The following GAB4 variants were observed in gnomAD, a reference collection of about 807,000 sequenced individuals.
The protein encoded by GAB4 is GRB2 associated binding protein family member 4.
In GAB4, 26 loss-of-function variants were observed where a neutral mutation model predicts 51.3. The ratio of observed to expected loss-of-function variants is 0.51; its 90% CI spans 0.37 to 0.70. The LOEUF (loss-of-function observed/expected upper bound fraction) is 0.70, where lower values mean the gene tolerates loss of function less well. Among genes scored for constraint, GAB4 ranks in the 30% least tolerant of loss-of-function variants. The pLI is 0.00. For missense variants in GAB4, 759 were observed against 734.6 expected (o/e 1.03, Z -0.38); for synonymous variants, 329 against 291.2 (o/e 1.13, Z -1.32).
At chr22:16,988,534 C>A (rs1314822360) in intron 2 of GAB4, among the ~76,000 whole-genome samples, 1 of 152,212 alleles carries the variant, frequency 6.6e-6, no homozygotes, top group African/African-American at 2.4e-5. Flanking sequence ...TCATGGCCTC[C>A]CTCAAAGCTA....
rs144992433 is a variant in GAB4, at chr22:16,992,588, C to G, written c.175-412G>C. Among the ~76,000 whole-genome samples, 608 of 152,328 alleles carry G rather than the reference C, an allele frequency of 4.0e-3. 1 individual carries two copies. Among genetic ancestry groups the G allele is most frequent in the Middle Eastern group, 0.024 (7 of 294 alleles). ...GAAGCAACAATGTCAGAAGCAGAAG[C>G]AGTAGCAGTAAACAAGTAGCAGAAA... is the stretch of plus-strand genomic sequence containing the variant. On this transcript the variant is annotated intron_variant, in intron 1 of 9. Coordinates refer to ENST00000400588, the MANE Select transcript of GAB4 (RefSeq NM_001037814.1).
In GAB4 at chr22:16,968,314, C is replaced by G. The variant is rs199979807; in HGVS notation, c.1007G>C (p.Gly336Ala). The change falls in exon 5 of 10, where the codon GGA (glycine) becomes GCA (alanine). Residue 336 changes from glycine (G) to alanine (A), a missense_variant. Coordinates refer to ENST00000400588, the MANE Select transcript of GAB4 (RefSeq NM_001037814.1). ...ASRPAESMHE[G>A]VCSFLPGRTL... ...CATACTCACCAGGAAAGAACAGACT[C>G]CCTCATGCATGGACTCAGCAGGCCG... 1 of 1,613,704 alleles carries G rather than the reference C, an allele frequency of 6.2e-7. No homozygotes were observed. Among genetic ancestry groups the G allele is most frequent in the African/African-American group, 1.3e-5 (1 of 74,994 alleles).
intron 1 of GAB4, among the ~76,000 whole-genome samples, chr22:17,007,041 C>T (rs964747696): frequency 6.6e-6 from 1 of 151,886 alleles, no homozygotes; most frequent in Non-Finnish European, 1.5e-5. Context: ...AAGACAAGAA[C>T]GCAGAATTGA....
chr22:17,002,704 A>T (rs2061007502), intron 1 of GAB4, among the ~76,000 whole-genome samples: 1 of 152,184 alleles, frequency 6.6e-6, no homozygotes, highest in South Asian at 2.1e-4. Context: ...GAGGGATAGC[A>T]TTAGGAGATA....
At chr22:16,985,420 A>G (rs1303808543) in intron 3 of GAB4, among the ~76,000 whole-genome samples, 4 of 152,216 alleles carry the variant, frequency 2.6e-5, no homozygotes, top group Non-Finnish European at 4.4e-5. Flanking sequence ...ACGGAAATTG[A>G]ATCTCAGTTC....
chr22:16,993,796 C>T (rs750856914), intron 1 of GAB4, among the ~76,000 whole-genome samples: 1 of 152,214 alleles, frequency 6.6e-6, no homozygotes, highest in African/African-American at 2.4e-5. Context: ...AAACCTCCAA[C>T]ACCCTTATTT....
At chr22:16,971,998 A>T (rs1316488319) in intron 3 of GAB4, among the ~76,000 whole-genome samples, 3 of 152,254 alleles carry the variant, frequency 2.0e-5, no homozygotes, top group Non-Finnish European at 4.4e-5. Context: ...TCACCAGCAG[A>T]CAGGAGAGCA....
chr22:16,987,580 GCTATGGAT>G (rs1189635967), intron 3 of GAB4, among the ~76,000 whole-genome samples: 1 of 152,228 alleles, frequency 6.6e-6, no homozygotes, highest in Non-Finnish European at 1.5e-5. Flanking sequence ...ATTCAACTGA[GCTATGGAT>G]CTGGTCATCA....
intron 2 of GAB4, among the ~76,000 whole-genome samples, chr22:16,990,055 ACTCT>A (rs1161570573): frequency 6.6e-6 from 1 of 151,518 alleles, no homozygotes; most frequent in African/African-American, 2.4e-5. Context: ...TGTCCACTGC[ACTCT>A]CTAAGCCAGA....
At chr22:16,983,257 TC>T (rs1454685485) in intron 3 of GAB4, among the ~76,000 whole-genome samples, 2 of 152,124 alleles carry the variant, frequency 1.3e-5, no homozygotes, top group African/African-American at 2.4e-5. Context: ...CTTCACAGCC[TC>T]CGTACTAGCA....
Position 16,966,456 on chromosome 22 carries a change from C to T in GAB4, c.1024-92G>A, listed in dbSNP as rs943422609. 3.2e-5 allele frequency: 43 copies of T among 1,340,128 alleles called. No individual in the cohort carries two copies. In the Admixed American group the frequency reaches 7.6e-4, roughly 24 times the overall value. 83.0% of individuals were successfully genotyped at this position (1,340,128 alleles called of 1,614,324 possible). A position where few individuals can be genotyped will look rare whatever the true frequency, so the allele number is the denominator to read the frequency against. The stretch of plus-strand genomic sequence containing the variant: ...TAGACAAGGCCAAAAAGAGTCATGA[C>T]GGGGTGTTTTGAACGAAACTTTTGA... On this transcript the variant is annotated intron_variant, in intron 5 of 9. Transcript: ENST00000400588.
chr22:16,988,186 G>C lies in GAB4; in HGVS notation c.479-19C>G. 6.4e-7 allele frequency: 1 copy of C among 1,571,106 alleles called. No individual in the cohort carries two copies. The highest frequency in any genetic ancestry group is 8.8e-7 in the Non-Finnish European group (1 of 1,142,430). On this transcript the variant is annotated intron_variant, in intron 2 of 9. Transcript: ENST00000400588. ...AGGAAGCCTGTGAATGAAACAGGAAGGAAGGGCATCCTTGTCCTAAAGTGG... is the reference window on the plus strand; with the variant it reads ...AGGAAGCCTGTGAATGAAACAGGAACGAAGGGCATCCTTGTCCTAAAGTGG...
At chr22:16,976,812 A>G (rs2060782499) in intron 3 of GAB4, among the ~76,000 whole-genome samples, 1 of 152,244 alleles carries the variant, frequency 6.6e-6, no homozygotes, top group Admixed American at 6.5e-5. Flanking sequence ...TCAGACTAAG[A>G]GCAGATCTCT....
At chr22:16,963,693 G>A (rs773401616) in intron 9 of GAB4, 32 bp downstream of exon 9, 33 of 1,539,570 alleles carry the variant, frequency 2.1e-5, no homozygotes, top group Non-Finnish European at 2.7e-5. Context: ...GGGCCCAAGG[G>A]CTCTGCCCAA....
At chr22:16,987,625 T>A (rs2060878485) in intron 3 of GAB4, among the ~76,000 whole-genome samples, 1 of 152,250 alleles carries the variant, frequency 6.6e-6, no homozygotes, top group African/African-American at 2.4e-5. Flanking sequence ...GCTGTCCTCT[T>A]AAGGCCAACA....
chr22:16,972,276 G>A (rs1314880781), intron 3 of GAB4, among the ~76,000 whole-genome samples: 2 of 152,210 alleles, frequency 1.3e-5, no homozygotes, highest in Non-Finnish European at 2.9e-5. Context: ...ATCTGGATGA[G>A]CCCTCCCTGG....
intron 3 of GAB4, among the ~76,000 whole-genome samples, chr22:16,984,923 G>A (rs1462107253): frequency 6.6e-6 from 1 of 152,196 alleles, no homozygotes; most frequent in Middle Eastern, 3.2e-3. Flanking sequence ...TGGCCCCACT[G>A]TGCTGCTTTG....
At chr22:16,984,142 A>C (rs1267688796) in intron 3 of GAB4, among the ~76,000 whole-genome samples, 3 of 152,228 alleles carry the variant, frequency 2.0e-5, no homozygotes, top group Admixed American at 2.0e-4. Context: ...AATGGACAAA[A>C]GATCTGGATA....
chr22:16,965,114 A>T, intron 7 of GAB4, 64 bp downstream of exon 7: 1 of 1,216,264 alleles, frequency 8.2e-7, no homozygotes, highest in Non-Finnish European at 1.2e-6. Context: ...CAAGCCAATG[A>T]CCATCCCACT....
Sources: gnomAD v4.1 joint callset for allele counts (sites outside exome capture counted in the v4.1 genomes callset) on GRCh38, gnomAD v4.1.1 for gene constraint, MANE v1.5 for transcripts, NCBI Gene and HGNC (gene_info 2026-07-23, HGNC 2026-07-21) for gene names.